PPP2R2B: variants seen among roughly 807,000 people sequenced by gnomAD.
PPP2R2B encodes protein phosphatase 2 regulatory subunit Bbeta.
Under a neutral mutation model 46.0 loss-of-function variants are expected in PPP2R2B, and 5 were observed. The observed-to-expected ratio is 0.11, with a 90% CI of 0.06 to 0.23. The LOEUF is 0.23. Ranked by LOEUF, PPP2R2B falls within the 10% of genes least tolerant of loss-of-function variation. The pLI is 1.00. For synonymous variants in PPP2R2B, 215 were observed against 206.7 expected (o/e 1.04, Z -0.34); for missense variants, 367 against 575.0 (o/e 0.64, Z 3.70).
chr5:146,785,973 G>A (rs367870534), intron 2 of PPP2R2B, among the ~76,000 whole-genome samples: 5 of 152,058 alleles, frequency 3.3e-5, no homozygotes, highest in African/African-American at 1.2e-4. Context: ...TAGCACAGTA[G>A]GGTGACTACA....
chr5:147,017,421 C>T lies in PPP2R2B; in HGVS notation c.79+38244G>A, dbSNP rs1428724739. ...CTTAACCTTAGGGGAGGGAGAGATTCGAGCTGGAGATAACATTTGTTATCA... is the reference window on the plus strand; with the variant it reads ...CTTAACCTTAGGGGAGGGAGAGATTTGAGCTGGAGATAACATTTGTTATCA... On this transcript the variant is annotated intron_variant, in intron 1 of 8. Transcript: ENST00000336640. Among the ~76,000 whole-genome samples, 4 of 151,426 alleles carry T rather than the reference C, an allele frequency of 2.6e-5. 1 individual carries two copies. Among genetic ancestry groups the T allele is most frequent in the Admixed American group, 2.0e-4 (3 of 15,130 alleles).
intron 7 of PPP2R2B, among the ~76,000 whole-genome samples, chr5:146,637,206 T>C (rs763476900): frequency 8.1e-4 from 123 of 152,232 alleles, no homozygotes; most frequent in Non-Finnish European, 1.5e-3. Flanking sequence ...AAATACATTG[T>C]AGATACAAGA....
At chr5:146,655,810 C>A (rs1452046076) in intron 5 of PPP2R2B, among the ~76,000 whole-genome samples, 2 of 151,970 alleles carry the variant, frequency 1.3e-5, no homozygotes, top group African/African-American at 4.8e-5. Context: ...CCAAACGGGT[C>A]CTGCCTGGGG....
chr5:146,922,125 C>A (rs538267155), intron 1 of PPP2R2B, among the ~76,000 whole-genome samples: 1 of 152,028 alleles, frequency 6.6e-6, no homozygotes, highest in South Asian at 2.1e-4. Context: ...CAATATGGTG[C>A]CTAGTTGAGG....
At chr5:146,819,228 T>C (rs1758111504) in intron 2 of PPP2R2B, among the ~76,000 whole-genome samples, 1 of 152,234 alleles carries the variant, frequency 6.6e-6, no homozygotes, top group African/African-American at 2.4e-5. Flanking sequence ...GCTGCTCTCC[T>C]GCATCTTCTG....
chr5:146,810,705 C>CT (rs566360243), intron 2 of PPP2R2B, among the ~76,000 whole-genome samples: 10 of 151,080 alleles, frequency 6.6e-5, no homozygotes, highest in South Asian at 2.1e-4. Flanking sequence ...TGGCTCCTGT[C>CT]TTTTTTTTTC....
chr5:146,681,022 A>C (rs1778134941), intron 5 of PPP2R2B, among the ~76,000 whole-genome samples: 1 of 152,196 alleles, frequency 6.6e-6, no homozygotes, highest in African/African-American at 2.4e-5. Context: ...AAATATTTAA[A>C]ATATTTTTCT....
chr5:146,854,698 A>T (rs2151385984), intron 2 of PPP2R2B, among the ~76,000 whole-genome samples: 1 of 152,296 alleles, frequency 6.6e-6, no homozygotes, highest in East Asian at 1.9e-4. Context: ...ACACACACTC[A>T]CCTTGTACCT....
At chr5:146,822,882 T>C (rs1758354414) in intron 2 of PPP2R2B, among the ~76,000 whole-genome samples, 1 of 152,334 alleles carries the variant, frequency 6.6e-6, no homozygotes, top group African/African-American at 2.4e-5. Context: ...TAGATTTATA[T>C]AACCTCCTTA....
intron 1 of PPP2R2B, among the ~76,000 whole-genome samples, chr5:146,903,186 A>T (rs568800495): frequency 1.4e-3 from 214 of 152,306 alleles, no homozygotes; most frequent in Non-Finnish European, 2.1e-3. Context: ...TGATGTTAAT[A>T]TGTAATGAGT....
At chr5:146,660,054 GCT>G (rs1776580003) in intron 5 of PPP2R2B, among the ~76,000 whole-genome samples, 1 of 152,182 alleles carries the variant, frequency 6.6e-6, no homozygotes, top group Non-Finnish European at 1.5e-5. Flanking sequence ...AAAGCTGAAA[GCT>G]CTCCTGGTTA....
At chr5:146,593,438 A>G (rs771058643) in intron 8 of PPP2R2B, among the ~76,000 whole-genome samples, 2 of 152,268 alleles carry the variant, frequency 1.3e-5, no homozygotes, top group African/African-American at 2.4e-5. Context: ...TGCAGCAGTG[A>G]GCCAAATATC....
Position 146,919,810 on chromosome 5 carries a change from C to T in PPP2R2B, c.79+135855G>A, listed in dbSNP as rs189329770. On this transcript the variant is annotated intron_variant, in intron 1 of 8. Transcript: ENST00000336640. ...AGACTATGCCAGAATAGCAACTTTA[C>T]AGGTGAAAAGCTCAGTAGTTTCAAT... is the stretch of plus-strand genomic sequence containing the variant. The T allele has an allele frequency of 2.0e-5, 3 of 152,318 alleles. No homozygotes were observed. In the East Asian group the frequency reaches 5.8e-4, roughly 29 times the overall value. The allele number at this position is 152,318 out of a possible 1,614,324, so 9.4% of individuals were successfully genotyped here. A position where few individuals can be genotyped will look rare whatever the true frequency, so the allele number is the denominator to read the frequency against.
Position 146,722,347 on chromosome 5 carries a change from AG to A in PPP2R2B, c.71-21206del, listed in dbSNP as rs561227848. Among the ~76,000 whole-genome samples, 179 of 152,312 alleles carry A rather than the reference AG, an allele frequency of 1.2e-3. 1 individual carries two copies. Among genetic ancestry groups the A allele is most frequent in the African/African-American group, 4.1e-3 (170 of 41,574 alleles). The stretch of plus-strand genomic sequence containing the variant: ...GTTGAAGTCACAAAGAGAGTTAGTA[AG>A]ACTTAGGCTATGGCTTAACTCAGGT... On this transcript the variant is annotated intron_variant, in intron 2 of 9. Transcript: ENST00000394411.
intron 2 of PPP2R2B, among the ~76,000 whole-genome samples, chr5:146,849,786 A>G (rs1442111653): frequency 6.6e-6 from 1 of 152,202 alleles, no homozygotes; most frequent in African/African-American, 2.4e-5. Context: ...ACAGCAATTT[A>G]CATTTATTAA....
intron 2 of PPP2R2B, among the ~76,000 whole-genome samples, chr5:146,828,455 G>A (rs991849360): frequency 6.6e-6 from 1 of 152,128 alleles, no homozygotes; most frequent in African/African-American, 2.4e-5. Flanking sequence ...TGCATTAAGT[G>A]CCAAAGAATG....
In PPP2R2B at chr5:146,582,557, C is replaced by T. The variant is rs980810370; in HGVS notation, c.*7390G>A. ...TAATTCCCTGACTCCTCTGAGCAGT[C>T]CTCTGATGCCCTGTTTGGATCTCCA... On this transcript the variant is annotated 3_prime_UTR_variant, in exon 10 of 10. Coordinates refer to ENST00000394411, the MANE Select transcript of PPP2R2B (RefSeq NM_181675.4). The T allele has an allele frequency of 3.9e-5, 6 of 152,248 alleles. No homozygotes were observed. Among genetic ancestry groups the T allele is most frequent in the Non-Finnish European group, 5.9e-5 (4 of 68,062 alleles). The allele number at this position is 152,248 out of a possible 1,614,324, so 9.4% of individuals were successfully genotyped here.
At chr5:146,621,489 G>A (rs535028530) in intron 7 of PPP2R2B, among the ~76,000 whole-genome samples, 12 of 152,208 alleles carry the variant, frequency 7.9e-5, no homozygotes, top group East Asian at 1.9e-4. Context: ...AGACACTGGC[G>A]GCCCCACACC....
At chr5:146,698,858 G>A (rs748340876) in intron 3 of PPP2R2B, among the ~76,000 whole-genome samples, 3 of 151,562 alleles carry the variant, frequency 2.0e-5, no homozygotes, top group Admixed American at 6.6e-5. Flanking sequence ...TTCCTCTAGC[G>A]CTGATTATGC....
Sources: gnomAD v4.1 joint callset for allele counts (sites outside exome capture counted in the v4.1 genomes callset) on GRCh38, gnomAD v4.1.1 for gene constraint, MANE v1.5 for transcripts, NCBI Gene and HGNC (gene_info 2026-07-23, HGNC 2026-07-21) for gene names.